RHOQ: variants seen among roughly 807,000 people sequenced by gnomAD.
The protein encoded by RHOQ is rho-related GTP-binding protein RhoQ.
A neutral mutation model predicts 25.8 loss-of-function variants in RHOQ; 7 were observed. The observed-to-expected ratio is 0.27, with a 90% CI of 0.15 to 0.51. The LOEUF is 0.51. Among genes scored for constraint, RHOQ ranks in the 20% least tolerant of loss-of-function variants. The pLI, the probability that RHOQ is intolerant of heterozygous loss-of-function variation, is 0.97. For synonymous variants in RHOQ, 97 were observed against 98.6 expected (o/e 0.98, Z 0.10); for missense variants, 165 against 260.6 (o/e 0.63, Z 2.53).
intron 2 of RHOQ, among the ~76,000 whole-genome samples, chr2:46,550,032 G>C (rs1385503650): frequency 1.3e-5 from 2 of 152,060 alleles, no homozygotes; most frequent in Non-Finnish European, 2.9e-5. Flanking sequence ...TTCAAGACGA[G>C]CCTGGACAAC....
At chr2:46,546,747 G>A (rs1003476502) in intron 2 of RHOQ, among the ~76,000 whole-genome samples, 1 of 151,824 alleles carries the variant, frequency 6.6e-6, no homozygotes, top group Non-Finnish European at 1.5e-5. Flanking sequence ...CTGATACTTT[G>A]TGCATAGTGG....
intron 2 of RHOQ, chr2:46,568,942 A>G (rs1177981901): frequency 6.6e-6 from 1 of 152,232 alleles, no homozygotes; most frequent in Admixed American, 6.5e-5. Context: ...TACCACATGG[A>G]AATGTGACCA....
rs1022813242 is a variant in RHOQ at position 46,566,713 on chromosome 2, C to T, written c.202-9374C>T. 2.0e-5 allele frequency among the ~76,000 whole-genome samples: 3 copies of T among 152,180 alleles called. No homozygotes were observed. The highest frequency in any genetic ancestry group is 2.0e-4 in the Admixed American group (3 of 15,284). On this transcript the variant is annotated intron_variant, in intron 2 of 4. Coordinates refer to ENST00000238738, the MANE Select transcript of RHOQ (RefSeq NM_012249.4). This position sits in a 1 kb window ranked among gnomAD's most constrained non-coding sequence, Gnocchi z 4.2. ...TGACTCCCTCTCCAGCCCCACCTGT[C>T]ACCTGGCCTTTCCCTGTGGTCTTCA...
rs1667838814 is a variant in RHOQ at position 46,542,495 on chromosome 2, C to G, written c.-552C>G. ...TCCGCGGTCCTCGGCTCCTCCTCCT[C>G]CTGCGCGCCCCTCCGCGCGGCCCTC... is the stretch of plus-strand genomic sequence containing the variant. On this transcript the variant is annotated 5_prime_UTR_variant, in exon 1 of 5. Coordinates refer to ENST00000238738, the MANE Select transcript of RHOQ (RefSeq NM_012249.4). 6.7e-6 allele frequency: 1 copy of G among 150,248 alleles called. No homozygotes were observed. Among genetic ancestry groups the G allele is most frequent in the African/African-American group, 2.4e-5 (1 of 41,234 alleles). The allele number at this position is 150,248 out of a possible 1,614,324, so 9.3% of individuals were successfully genotyped here.
At chr2:46,547,543 A>C (rs1668110636) in intron 2 of RHOQ, among the ~76,000 whole-genome samples, 1 of 152,220 alleles carries the variant, frequency 6.6e-6, no homozygotes, top group South Asian at 2.1e-4. Flanking sequence ...CAAAGGGAAC[A>C]CTTCCCCTCT....
chr2:46,574,551 A>T (rs1364662356), intron 2 of RHOQ, among the ~76,000 whole-genome samples: 1 of 152,184 alleles, frequency 6.6e-6, no homozygotes, highest in African/African-American at 2.4e-5. Flanking sequence ...ACACCAGGGC[A>T]CTGCTTTAAT....
At chr2:46,544,985 G>T (rs1353269731) in intron 2 of RHOQ, among the ~76,000 whole-genome samples, 2 of 152,210 alleles carry the variant, frequency 1.3e-5, no homozygotes, top group African/African-American at 2.4e-5. Context: ...TTAGAGTTTA[G>T]GTTGGATTCT....
Position 46,548,354 on chromosome 2 carries a change from T to A in RHOQ, c.201+4542T>A, listed in dbSNP as rs1202196418. 2.6e-5 allele frequency among the ~76,000 whole-genome samples: 4 copies of A among 152,162 alleles called. No homozygotes were observed. The highest frequency in any genetic ancestry group is 9.7e-5 in the African/African-American group (4 of 41,428). ...GGCTTGGCATGCCCCACCTTCTGCATTTTAGCAGAAGGGCCTGGCATGATG... is the reference window on the plus strand; with the variant it reads ...GGCTTGGCATGCCCCACCTTCTGCAATTTAGCAGAAGGGCCTGGCATGATG... On this transcript the variant is annotated intron_variant, in intron 2 of 4. Transcript: ENST00000238738. This position sits in a 1 kb window ranked among gnomAD's most constrained non-coding sequence, Gnocchi z 5.2.
chr2:46,563,640 A>G (rs1341533109), intron 2 of RHOQ, among the ~76,000 whole-genome samples: 1 of 152,144 alleles, frequency 6.6e-6, no homozygotes, highest in Non-Finnish European at 1.5e-5. Context: ...ATGTCAACAC[A>G]TCAACTCTTG....
chr2:46,543,516 C>G (rs769818722), intron 1 of RHOQ: 6 of 602,494 alleles, frequency 1.0e-5, no homozygotes, highest in Middle Eastern at 4.4e-4. Flanking sequence ...GGGGACCGAG[C>G]GAGACGTGGC....
At chr2:46,543,361 G>T in intron 1 of RHOQ, 173 bp downstream of exon 1, 1 of 642,434 alleles carries the variant, frequency 1.6e-6, no homozygotes, top group East Asian at 3.1e-5. Flanking sequence ...GCAACCCCTC[G>T]CCCGCTGATC....
At chr2:46,560,895 C>T (rs1457685497) in intron 2 of RHOQ, among the ~76,000 whole-genome samples, 2 of 151,748 alleles carry the variant, frequency 1.3e-5, no homozygotes, top group Non-Finnish European at 2.9e-5. Flanking sequence ...GAATATAAAC[C>T]GTATTACAGA....
Position 46,576,354 on chromosome 2 carries a change from G to A in RHOQ, c.366+103G>A. 3.7e-6 allele frequency: 4 copies of A among 1,082,234 alleles called. No homozygotes were observed. The South Asian group carries it at 4.8e-5, about 13-fold the overall frequency. 67.0% of individuals were successfully genotyped at this position (1,082,234 alleles called of 1,614,324 possible). A position where few individuals can be genotyped will look rare whatever the true frequency, so the allele number is the denominator to read the frequency against. On this transcript the variant is annotated intron_variant, in intron 3 of 4. Transcript: ENST00000238738. This position sits in a 1 kb window ranked among gnomAD's most constrained non-coding sequence, Gnocchi z 5.1. Reference sequence around the variant, plus strand: ...CCAAAGCTGAGCAAATGATGTAAGTGTTTAATCTCAGCTGCAAGTTAATGA... The same window carrying A: ...CCAAAGCTGAGCAAATGATGTAAGTATTTAATCTCAGCTGCAAGTTAATGA...
intron 2 of RHOQ, among the ~76,000 whole-genome samples, chr2:46,557,823 C>T (rs1314209422): frequency 2.0e-5 from 3 of 152,200 alleles, no homozygotes; most frequent in African/African-American, 7.2e-5. Context: ...GTTGAATTCA[C>T]ATGATGACTG....
chr2:46,549,391 G>T (rs1668169987), intron 2 of RHOQ, among the ~76,000 whole-genome samples: 1 of 152,104 alleles, frequency 6.6e-6, no homozygotes, highest in African/African-American at 2.4e-5. Flanking sequence ...TGCAGTTTGG[G>T]GTTTCAAGAG....
rs1190654271 is a variant in RHOQ, at chr2:46,552,284, G to C, written c.201+8472G>C. Among the ~76,000 whole-genome samples, 1 of 152,170 alleles carries C rather than the reference G, an allele frequency of 6.6e-6. No individual in the cohort carries two copies. Among genetic ancestry groups the C allele is most frequent in the African/African-American group, 2.4e-5 (1 of 41,438 alleles). ...CTCAAAAAGGAGCAGGCCCGAGGTGGCGCTGATGGCCCCATTGCTCAAGTA... is the reference window on the plus strand; with the variant it reads ...CTCAAAAAGGAGCAGGCCCGAGGTGCCGCTGATGGCCCCATTGCTCAAGTA... On this transcript the variant is annotated intron_variant, in intron 2 of 4. Coordinates refer to ENST00000238738, the MANE Select transcript of RHOQ (RefSeq NM_012249.4). This position sits in a 1 kb window ranked among gnomAD's most constrained non-coding sequence, Gnocchi z 5.0.
At position 46,583,323 on chromosome 2, in the gene RHOQ, T is replaced by C. The variant is rs1211229000; in HGVS notation, c.*2240T>C. Among the ~76,000 whole-genome samples, 1 of 152,174 alleles carries C rather than the reference T, an allele frequency of 6.6e-6. No individual in the cohort carries two copies. The highest frequency in any genetic ancestry group is 2.1e-4 in the South Asian group (1 of 4,838). On this transcript the variant is annotated 3_prime_UTR_variant, in exon 5 of 5. Coordinates refer to ENST00000238738, the MANE Select transcript of RHOQ (RefSeq NM_012249.4). ...GGATTTGGTTTCCTCATTATAAATA[T>C]GGGAGGTAGAACAGAGATCTCCAAC...
intron 2 of RHOQ, among the ~76,000 whole-genome samples, chr2:46,563,801 G>A (rs1668644316): frequency 1.3e-5 from 2 of 152,000 alleles, no homozygotes; most frequent in African/African-American, 4.8e-5. Flanking sequence ...GGACCTGTGT[G>A]TATTTCTTTC....
At chr2:46,564,129 A>AC (rs1228274405) in intron 2 of RHOQ, among the ~76,000 whole-genome samples, 5 of 151,378 alleles carry the variant, frequency 3.3e-5, no homozygotes, top group Middle Eastern at 3.2e-3. Flanking sequence ...ACACAGTGAG[A>AC]CCCCCATCTC....
Sources: gnomAD v4.1 joint callset for allele counts (sites outside exome capture counted in the v4.1 genomes callset) on GRCh38, gnomAD v4.1.1 for gene constraint, Gnocchi (gnomAD v3.1) non-coding constraint, MANE v1.5 for transcripts, NCBI Gene and HGNC (gene_info 2026-07-23, HGNC 2026-07-21) for gene names.